KCNIP4: variants seen among roughly 807,000 people sequenced by gnomAD.
KCNIP4 encodes potassium voltage-gated channel interacting protein 4.
Under a neutral mutation model 34.0 loss-of-function variants are expected in KCNIP4, and 12 were observed. That is an observed-to-expected ratio of 0.35 (90% confidence interval 0.23 to 0.57). KCNIP4 has a LOEUF of 0.57. KCNIP4 is among the 20% of genes least tolerant of loss of function. The pLI is 0.83. For synonymous variants in KCNIP4, 124 were observed against 102.2 expected, an observed-to-expected ratio of 1.21 and a Z score of -1.29; for missense variants, 238 against 311.7, an observed-to-expected ratio of 0.76 and a Z score of 1.78.
At chr4:20,805,200 T>C (rs1056611739) in intron 3 of KCNIP4, among the ~76,000 whole-genome samples, 7 of 145,732 alleles carry the variant, frequency 4.8e-5, no homozygotes, top group Non-Finnish European at 1.1e-4. Flanking sequence ...TTTTTTTTTT[T>C]TTTTTTTTTT....
intron 1 of KCNIP4, among the ~76,000 whole-genome samples, chr4:21,770,967 T>C (rs953216098): frequency 6.6e-6 from 1 of 152,228 alleles, no homozygotes; most frequent in African/African-American, 2.4e-5. Flanking sequence ...GTTATCAATT[T>C]TGGCTTTTGT....
At chr4:21,572,137 A>T (rs927044815) in intron 1 of KCNIP4, among the ~76,000 whole-genome samples, 6 of 152,204 alleles carry the variant, frequency 3.9e-5, no homozygotes, top group African/African-American at 1.4e-4. Context: ...AAATAGCCAG[A>T]TCATATATAA....
At chr4:21,395,396 TA>T in intron 1 of KCNIP4, among the ~76,000 whole-genome samples, 1 of 152,312 alleles carries the variant, frequency 6.6e-6, no homozygotes, top group South Asian at 2.1e-4. Flanking sequence ...CTTTCCTAAA[TA>T]AACCATCTGT....
At chr4:21,344,131 G>C (rs1486674836) in intron 1 of KCNIP4, among the ~76,000 whole-genome samples, 3 of 152,178 alleles carry the variant, frequency 2.0e-5, no homozygotes, top group Non-Finnish European at 4.4e-5. Context: ...TATAAGTACA[G>C]TCAATAAGAA....
At chr4:21,121,329 T>C (rs186306019) in intron 1 of KCNIP4, among the ~76,000 whole-genome samples, 161 of 152,356 alleles carry the variant, frequency 1.1e-3, no homozygotes, top group African/African-American at 3.6e-3. Flanking sequence ...ATTTTTCATA[T>C]GTATTAAATC....
intron 4 of KCNIP4, among the ~76,000 whole-genome samples, chr4:20,750,582 C>T (rs1045491185): frequency 1.3e-5 from 2 of 152,078 alleles, no homozygotes; most frequent in African/African-American, 4.8e-5. Context: ...TCCTTCCTTC[C>T]TTTCCTGTTT....
intron 1 of KCNIP4, among the ~76,000 whole-genome samples, chr4:21,108,884 G>A (rs1030213142): frequency 1.3e-5 from 2 of 152,218 alleles, no homozygotes; most frequent in African/African-American, 4.8e-5. Context: ...GTTTGCCTGG[G>A]TAACAGCAGT....
At chr4:21,470,198 G>A (rs1457805967) in intron 1 of KCNIP4, among the ~76,000 whole-genome samples, 1 of 152,138 alleles carries the variant, frequency 6.6e-6, no homozygotes, top group East Asian at 1.9e-4. Flanking sequence ...TCAGAGAAAG[G>A]AGGCAAGAGA....
At chr4:21,353,596 G>T (rs1025172501) in intron 1 of KCNIP4, among the ~76,000 whole-genome samples, 1 of 152,114 alleles carries the variant, frequency 6.6e-6, no homozygotes, top group Non-Finnish European at 1.5e-5. Flanking sequence ...CAAGATTAGA[G>T]AAAAATAAGT....
At chr4:20,815,867 A>G (rs560648252) in intron 3 of KCNIP4, among the ~76,000 whole-genome samples, 1 of 152,334 alleles carries the variant, frequency 6.6e-6, no homozygotes, top group Admixed American at 6.5e-5. Context: ...AAGAGGTCAA[A>G]TAACTTTCTC....
At chr4:20,907,850 T>G (rs1217740464) in intron 1 of KCNIP4, among the ~76,000 whole-genome samples, 1 of 151,938 alleles carries the variant, frequency 6.6e-6, no homozygotes, top group Non-Finnish European at 1.5e-5. Context: ...CCGGAGTAGC[T>G]GGGACTACAG....
Position 21,025,544 on chromosome 4 carries a change from T to TTTTC in KCNIP4, c.62-142836_62-142835insGAAA, listed in dbSNP as rs1740462301. Among the ~76,000 whole-genome samples, 6 of 14,088 alleles carry TTTTC rather than the reference T, an allele frequency of 4.3e-4. 1 individual carries two copies. In the South Asian group the frequency reaches 0.01, roughly 24 times the overall value. The allele number at this position is 14,088 out of a possible 152,430, so 9.2% of individuals were successfully genotyped here. ...GCAAAAAGGTCACTCATTGATACTG[T>TTTTC]TTTTTTTTTTTTTTTTTTTTTTTTT... is the stretch of plus-strand genomic sequence containing the variant. On this transcript the variant is annotated intron_variant, in intron 1 of 8. Transcript: ENST00000382152.
At chr4:21,856,825 T>C (rs1201934574) in intron 1 of KCNIP4, among the ~76,000 whole-genome samples, 1 of 152,100 alleles carries the variant, frequency 6.6e-6, no homozygotes, top group Non-Finnish European at 1.5e-5. Flanking sequence ...CAGAGCAAAG[T>C]GGAGGCTGAG....
At position 21,271,722 on chromosome 4, in the gene KCNIP4, G is replaced by A. The variant is rs116353208; in HGVS notation, c.62-389013C>T. Among the ~76,000 whole-genome samples, 466 of 152,136 alleles carry A rather than the reference G, an allele frequency of 3.1e-3. 3 individuals carry two copies. The highest frequency in any genetic ancestry group is 0.011 in the African/African-American group (446 of 41,490). ...TCAATGGGAGAAATAAAATCCTTCC[G>A]TAAATAATGCAGTGTGTTTCTATAA... On this transcript the variant is annotated intron_variant, in intron 1 of 8. Transcript: ENST00000382152.
chr4:20,792,072 C>G (rs1280404422), intron 3 of KCNIP4, among the ~76,000 whole-genome samples: 1 of 152,102 alleles, frequency 6.6e-6, no homozygotes, highest in Non-Finnish European at 1.5e-5. Flanking sequence ...ACTAATACTA[C>G]TAATAAAAAT....
chr4:21,191,458 C>T (rs562302217), intron 1 of KCNIP4, among the ~76,000 whole-genome samples: 1 of 152,294 alleles, frequency 6.6e-6, no homozygotes, highest in African/African-American at 2.4e-5. Context: ...CAAAACCGCA[C>T]ACCAAGCCCT....
chr4:21,029,707 T>A (rs1309709200), intron 1 of KCNIP4, among the ~76,000 whole-genome samples: 1 of 152,204 alleles, frequency 6.6e-6, no homozygotes, highest in Non-Finnish European at 1.5e-5. Context: ...AAGAGGTTGC[T>A]GTCAGCATCA....
chr4:21,913,364 C>CTT (rs56409249), intron 1 of KCNIP4, among the ~76,000 whole-genome samples: 2 of 145,014 alleles, frequency 1.4e-5, no homozygotes, highest in African/African-American at 5.1e-5. Context: ...TTTCTTTTTC[C>CTT]TTTTTTTTTT....
chr4:21,232,296 C>T (rs547777513), intron 1 of KCNIP4, among the ~76,000 whole-genome samples: 182 of 152,200 alleles, frequency 1.2e-3, no homozygotes, highest in Non-Finnish European at 2.0e-3. Flanking sequence ...AAAAAATAAA[C>T]ATATATCATG....
Sources: allele counts gnomAD v4.1 joint callset (sites outside exome capture counted in the v4.1 genomes callset), GRCh38; gene constraint gnomAD v4.1.1; transcripts MANE v1.5; gene names NCBI Gene and HGNC (gene_info 2026-07-23, HGNC 2026-07-21).